Variants in MAST2 observed in about 807,000 individuals in gnomAD.
MAST2 encodes microtubule associated serine/threonine kinase 2, also known as microtubule-associated serine/threonine-protein kinase 2.
In MAST2, 70 loss-of-function variants were observed where a neutral mutation model predicts 147.4. The ratio of observed to expected loss-of-function variants is 0.47; its 90% CI spans 0.39 to 0.58. The LOEUF (loss-of-function observed/expected upper bound fraction) is 0.58, where lower values mean the gene tolerates loss of function less well. MAST2 is among the 20% of genes least tolerant of loss of function. The probability of loss-of-function intolerance (pLI) is 0.00; values close to 1 mark genes in which losing one functional copy is unlikely to be tolerated. For missense variants in MAST2, 2,080 were observed against 2,302.3 expected, an observed-to-expected ratio of 0.90 and a Z score of 1.98; for synonymous variants, 869 against 896.8, an observed-to-expected ratio of 0.97 and a Z score of 0.55.
In MAST2 at chr1:46,035,073, G is replaced by C; in HGVS notation, c.4404G>C (p.Gly1468=). 6.2e-7 allele frequency: 1 copy of C among 1,613,784 alleles called. No homozygotes were observed. The highest frequency in any genetic ancestry group is 8.5e-7 in the Non-Finnish European group (1 of 1,179,970). ...GCAAGGGGGCCCTGCCAGGGAAGGGGGTGCTGCAGCCTGCTCCCTCACGGG... is the reference window on the plus strand; with the variant it reads ...GCAAGGGGGCCCTGCCAGGGAAGGGCGTGCTGCAGCCTGCTCCCTCACGGG... The part of the protein sequence containing the change: ...LSGKGALPGK[G]VLQPAPSRAL... The change falls in exon 29 of 29, where the codon GGG becomes GGC. Residue 1468 remains glycine (G), a synonymous_variant. Transcript: ENST00000361297. The surrounding 1 kb of genome is among the most constrained non-coding windows in gnomAD (Gnocchi z 5.5).
In MAST2 at chr1:45,974,350, A is replaced by T. The variant is rs143100226; in HGVS notation, c.592+14873A>T. Among the ~76,000 whole-genome samples the T allele has an allele frequency of 4.3e-3, 662 of 152,308 alleles. 5 individuals carry two copies. Among genetic ancestry groups the T allele is most frequent in the African/African-American group, 0.015 (618 of 41,576 alleles). On this transcript the variant is annotated intron_variant, in intron 5 of 28. Coordinates refer to ENST00000361297, the MANE Select transcript of MAST2 (RefSeq NM_015112.3). Reference sequence around the variant, plus strand: ...TGTGGCTCACGCCTGTAATCCCCACACTTCAGGAGGCCAAGGCGGGAGATC... The same window carrying T: ...TGTGGCTCACGCCTGTAATCCCCACTCTTCAGGAGGCCAAGGCGGGAGATC...
intron 4 of MAST2, among the ~76,000 whole-genome samples, chr1:45,954,375 C>T (rs374548677): frequency 1.1e-4 from 17 of 152,266 alleles, no homozygotes; most frequent in African/African-American, 4.1e-4. Context: ...TCAACATTGT[C>T]ACAGAGAATG....
At chr1:45,906,638 A>G (rs930011600) in intron 4 of MAST2, among the ~76,000 whole-genome samples, 2 of 148,326 alleles carry the variant, frequency 1.3e-5, no homozygotes, top group Non-Finnish European at 3.0e-5. Flanking sequence ...GTTATTTTAT[A>G]TGATACAATT....
At chr1:46,017,475 GA>G (rs1420226713) in intron 10 of MAST2, among the ~76,000 whole-genome samples, 2 of 151,850 alleles carry the variant, frequency 1.3e-5, no homozygotes, top group Admixed American at 6.6e-5. Context: ...AAATTTACAA[GA>G]AAAAAACAAC....
intron 1 of MAST2, among the ~76,000 whole-genome samples, chr1:45,805,598 C>T (rs909392565): frequency 6.6e-6 from 1 of 152,170 alleles, no homozygotes; most frequent in Non-Finnish European, 1.5e-5. Flanking sequence ...TTTACCTGTC[C>T]AGTTGACCTT....
chr1:46,023,300 T>G lies in MAST2; in HGVS notation c.1553T>G (p.Ile518Ser), dbSNP rs1450190377. 1.9e-6 allele frequency: 3 copies of G among 1,613,990 alleles called. No homozygotes were observed. Among genetic ancestry groups the G allele is most frequent in the Non-Finnish European group, 2.5e-6 (3 of 1,180,026 alleles). ...SEEDFETIKL[I>S]SNGAYGAVFL... ...GAGGACTTCGAGACCATTAAGCTCA[T>G]CAGCAATGGCGCCTATGGGTAAAGG... Residue 518 changes from isoleucine (I) to serine (S), a missense_variant, in exon 14 of 29, where the codon ATC becomes AGC. Ile to Ser is a moderately radical substitution (Grantham distance 142, BLOSUM62 -2). This residue lies in a region of MAST2 where 569 missense variants were observed against 642.5 expected (regional missense o/e 0.89). Coordinates refer to ENST00000361297, the MANE Select transcript of MAST2 (RefSeq NM_015112.3). The surrounding 1 kb of genome is among the most constrained non-coding windows in gnomAD (Gnocchi z 4.9).
At chr1:45,816,733 T>C (rs958093447) in intron 1 of MAST2, among the ~76,000 whole-genome samples, 1 of 152,188 alleles carries the variant, frequency 6.6e-6, no homozygotes, top group Non-Finnish European at 1.5e-5. Context: ...CAGGCTGTAG[T>C]GCAGTGGCGT....
chr1:45,989,840 T>C (rs769161192), intron 5 of MAST2, among the ~76,000 whole-genome samples: 10 of 152,210 alleles, frequency 6.6e-5, no homozygotes, highest in East Asian at 1.9e-4. Flanking sequence ...TTATGACATA[T>C]AGCCTTTCAA....
chr1:45,968,895 CT>C (rs1166522312), intron 5 of MAST2, among the ~76,000 whole-genome samples: 6 of 148,790 alleles, frequency 4.0e-5, no homozygotes, highest in African/African-American at 1.2e-4. Context: ...TTTTTCGGTC[CT>C]TTTTTCTTTG....
chr1:45,996,126 G>A (rs965928691), intron 5 of MAST2, among the ~76,000 whole-genome samples: 4 of 150,422 alleles, frequency 2.7e-5, no homozygotes, highest in African/African-American at 4.9e-5. Context: ...TCTGACATAC[G>A]TGTGTGTTAT....
At position 46,002,806 on chromosome 1, in the gene MAST2, A is replaced by G; in HGVS notation, c.670A>G (p.Thr224Ala). The change falls in exon 7 of 29, where the codon ACT becomes GCT. Residue 224 changes from threonine to alanine, a missense_variant and splice_region_variant. Thr to Ala is a moderately conservative substitution (Grantham distance 58). Coordinates refer to ENST00000361297, the MANE Select transcript of MAST2 (RefSeq NM_015112.3). ...CCTAATACTTTTTCTTGCATACAGG[A>G]CTGATGGGCGGCGCTGGTCTTTGGC... The part of the protein sequence containing the change: ...AHFSFVPARR[T>A]DGRRWSLASL... The G allele has an allele frequency of 6.2e-7, 1 of 1,614,084 alleles. No individual in the cohort carries two copies. Among genetic ancestry groups the G allele is most frequent in the Non-Finnish European group, 8.5e-7 (1 of 1,179,970 alleles).
rs1156982941 is a variant in MAST2 at position 45,959,402 on chromosome 1, C to T, written c.517C>T (p.Arg173Cys). Residue 173 changes from arginine (R) to cysteine (C), a missense_variant, in exon 5 of 29, where the codon CGC (arginine) becomes TGC (cysteine). By Grantham distance (180) the Arg-to-Cys change is radical. Coordinates refer to ENST00000361297, the MANE Select transcript of MAST2 (RefSeq NM_015112.3). ...RRGSFCRTSN[R>C]KSLIVTSSTS... Reference sequence around the variant, plus strand: ...TCATTGCAGTTGTCGGACAAGTAACCGCAAGAGCTTGATTGTGACCTCTAG... The same window carrying T: ...TCATTGCAGTTGTCGGACAAGTAACTGCAAGAGCTTGATTGTGACCTCTAG... 31 of 1,613,620 alleles carry T rather than the reference C, an allele frequency of 1.9e-5. No homozygotes were observed. The highest frequency in any genetic ancestry group is 3.3e-5 in the Admixed American group (2 of 59,968).
At chr1:45,966,696 T>C (rs1221800505) in intron 5 of MAST2, among the ~76,000 whole-genome samples, 2 of 152,030 alleles carry the variant, frequency 1.3e-5, no homozygotes, top group South Asian at 2.1e-4. Flanking sequence ...CACTCCAGCC[T>C]GGGCAAAAGA....
intron 11 of MAST2, among the ~76,000 whole-genome samples, chr1:46,021,094 G>C (rs1451296640): frequency 6.6e-6 from 1 of 152,160 alleles, no homozygotes; most frequent in African/African-American, 2.4e-5. Context: ...GTATTTATGA[G>C]AGAGACATTC....
intron 5 of MAST2, among the ~76,000 whole-genome samples, chr1:45,995,080 T>C (rs1645003614): frequency 6.6e-6 from 1 of 152,150 alleles, no homozygotes; most frequent in Non-Finnish European, 1.5e-5. Context: ...GGCCTCGTGA[T>C]CCGCCCACCT....
At chr1:45,904,585 C>A (rs1009860396) in intron 4 of MAST2, among the ~76,000 whole-genome samples, 3 of 152,084 alleles carry the variant, frequency 2.0e-5, no homozygotes, top group South Asian at 2.1e-4. Flanking sequence ...CTACCTTAGC[C>A]CCCCCAAGTA....
intron 5 of MAST2, among the ~76,000 whole-genome samples, chr1:45,963,596 T>G (rs933520955): frequency 1.3e-5 from 2 of 152,186 alleles, no homozygotes; most frequent in African/African-American, 4.8e-5. Context: ...ATGCTTGTGG[T>G]TTTTGCACAT....
intron 5 of MAST2, among the ~76,000 whole-genome samples, chr1:45,974,179 A>G (rs1644041171): frequency 6.6e-6 from 1 of 152,218 alleles, no homozygotes; most frequent in African/African-American, 2.4e-5. Context: ...CTAGTAAATA[A>G]GCAGTAGGTT....
intron 3 of MAST2, among the ~76,000 whole-genome samples, chr1:45,882,061 G>A (rs376747660): frequency 6.6e-4 from 99 of 149,672 alleles, no homozygotes; most frequent in African/African-American, 1.7e-3. Context: ...GCGTGGTGGC[G>A]GGTGCCTGTA....
Sources: gnomAD v4.1 joint callset for allele counts (sites outside exome capture counted in the v4.1 genomes callset) on GRCh38, gnomAD v4.1.1 for gene constraint, gnomAD v4.1.1 regional missense constraint, Gnocchi (gnomAD v3.1) non-coding constraint, MANE v1.5 for transcripts, NCBI Gene and HGNC (gene_info 2026-07-23, HGNC 2026-07-21) for gene names.